EPM2A: variants seen among roughly 807,000 people sequenced by gnomAD.
The protein encoded by EPM2A is laforin.
A neutral mutation model predicts 26.5 loss-of-function variants in EPM2A; 21 were observed. That is an observed-to-expected ratio of 0.79 (90% CI 0.56 to 1.14). The LOEUF (loss-of-function observed/expected upper bound fraction) is 1.14. EPM2A is among the 50% of genes most tolerant of loss of function. The probability of loss-of-function intolerance (pLI) is 0.00; values close to 1 mark genes in which losing one functional copy is unlikely to be tolerated. For missense variants in EPM2A, 458 were observed against 440.8 expected (o/e 1.04, Z -0.35); for synonymous variants, 217 against 177.6 (o/e 1.22, Z -1.76).
chr6:145,687,622 T>C (rs764704450), intron 1 of EPM2A, among the ~76,000 whole-genome samples: 1 of 152,222 alleles, frequency 6.6e-6, no homozygotes, highest in Admixed American at 6.5e-5. Context: ...ACATTTGTTA[T>C]GAATACAAAA....
chr6:145,463,508 A>T (rs1554239446), intron 4 of EPM2A: 1 of 151,990 alleles, frequency 6.6e-6, no homozygotes, highest in Non-Finnish European at 1.5e-5. Flanking sequence ...TTTTAAACAC[A>T]TTTTTTTACC....
Position 145,727,776 on chromosome 6 carries a change from C to T in EPM2A, c.301+7422G>A, listed in dbSNP as rs567876039. 2.6e-4 allele frequency among the ~76,000 whole-genome samples: 40 copies of T among 152,270 alleles called. 2 individuals are homozygous for T. The South Asian group carries it at 6.2e-3, about 24-fold the overall frequency. On this transcript the variant is annotated intron_variant, in intron 1 of 3. Coordinates refer to ENST00000367519, the MANE Select transcript of EPM2A (RefSeq NM_005670.4). ...TACTCTACTCATTCTTCTTGGTAAT[C>T]ACTACCCTAATTTTTTTCAGGGAAG...
At chr6:145,497,670 T>C (rs572669424), downstream of EPM2A, among the ~76,000 whole-genome samples, 1 of 152,322 alleles carries the variant, frequency 6.6e-6, no homozygotes, top group South Asian at 2.1e-4. Flanking sequence ...AAGATGGCAG[T>C]CACTCTTTCT....
intron 2 of EPM2A, among the ~76,000 whole-genome samples, chr6:145,567,647 T>C (rs1780901502): frequency 6.6e-6 from 1 of 152,202 alleles, no homozygotes; most frequent in Non-Finnish European, 1.5e-5. Flanking sequence ...TGGAATTTAG[T>C]GGATGCTAAT....
At chr6:145,537,923 G>C (rs1780455133) in intron 2 of EPM2A, among the ~76,000 whole-genome samples, 1 of 152,144 alleles carries the variant, frequency 6.6e-6, no homozygotes, top group South Asian at 2.1e-4. Flanking sequence ...CCCTGCAAAG[G>C]ATATGATCTC....
Position 145,626,592 on chromosome 6 carries a change from G to A in EPM2A, c.*824C>T, listed in dbSNP as rs966987390. The stretch of plus-strand genomic sequence containing the variant: ...AACTAAATGCACTACATGATGCTGG[G>A]AAAACAAGTTGTGATGAAAACAGTG... On this transcript the variant is annotated 3_prime_UTR_variant, in exon 4 of 4. Transcript: ENST00000367519. The A allele has an allele frequency of 1.0e-6, 1 of 985,652 alleles. No individual in the cohort carries two copies. The highest frequency in any genetic ancestry group is 1.2e-6 in the Non-Finnish European group (1 of 829,798). 61.1% of individuals were successfully genotyped at this position (985,652 alleles called of 1,614,324 possible). A position where few individuals can be genotyped will look rare whatever the true frequency, so the allele number is the denominator to read the frequency against.
chr6:145,453,040 C>G (rs139381452), intron 4 of EPM2A, among the ~76,000 whole-genome samples: 83 of 152,214 alleles, frequency 5.5e-4, no homozygotes, highest in African/African-American at 1.8e-3. Flanking sequence ...TAACATGTAA[C>G]TAAAGGACTG....
At position 145,585,275 on chromosome 6, in the gene EPM2A, T is replaced by C. The variant is rs114542256; in HGVS notation, c.340+49970A>G. Among the ~76,000 whole-genome samples the C allele has an allele frequency of 5.3e-3, 801 of 152,286 alleles. 3 individuals are homozygous for C. Among genetic ancestry groups the C allele is most frequent in the African/African-American group, 0.018 (767 of 41,580 alleles). On this transcript the variant is annotated intron_variant, in intron 2 of 3. Transcript: ENST00000450221. ...TGAGTTTCTTGGATCTGTAGACTTA[T>C]AGTTTTCATCACCTTTGGAAAAAGT...
chr6:145,532,128 A>C (rs1378657587), intron 2 of EPM2A, among the ~76,000 whole-genome samples: 1 of 152,232 alleles, frequency 6.6e-6, no homozygotes, highest in African/African-American at 2.4e-5. Context: ...TCTAGGATGC[A>C]AACCCGGAAT....
chr6:145,650,142 G>T (rs1250581464), intron 2 of EPM2A, among the ~76,000 whole-genome samples: 1 of 152,176 alleles, frequency 6.6e-6, no homozygotes, highest in Non-Finnish European at 1.5e-5. Context: ...GGAACGGAAA[G>T]CAATTAGGAA....
At chr6:145,645,892 C>T (rs1440626598) in intron 2 of EPM2A, among the ~76,000 whole-genome samples, 2 of 152,128 alleles carry the variant, frequency 1.3e-5, no homozygotes, top group East Asian at 3.9e-4. Context: ...CCACTGTGCC[C>T]GGCCCTGGCA....
intron 4 of EPM2A, among the ~76,000 whole-genome samples, chr6:145,386,825 ATC>A (rs1353158878): frequency 6.6e-6 from 1 of 152,210 alleles, no homozygotes; most frequent in Non-Finnish European, 1.5e-5. Context: ...AAATTTTGTC[ATC>A]TCTCATAATC....
chr6:145,594,129 A>G (rs1308781983), intron 2 of EPM2A, among the ~76,000 whole-genome samples: 1 of 151,894 alleles, frequency 6.6e-6, no homozygotes, highest in Non-Finnish European at 1.5e-5. Flanking sequence ...AATTCTGAAA[A>G]AACAACTCTA....
intron 4 of EPM2A, among the ~76,000 whole-genome samples, chr6:145,425,942 T>A (rs1778849536): frequency 1.3e-5 from 2 of 152,248 alleles, no homozygotes; most frequent in South Asian, 4.1e-4. Context: ...AGATTATTGC[T>A]TGCTACTCAA....
intron 4 of EPM2A, among the ~76,000 whole-genome samples, chr6:145,488,495 T>TTGTGTG (rs146792300): frequency 0.2 from 25,823 of 130,200 alleles, 2,745 homozygotes; most frequent in South Asian, 0.29. Flanking sequence ...ATTTGTGTGG[T>TTGTGTG]TGTGTGTGTG....
chr6:145,546,566 A>G (rs1780585949), intron 2 of EPM2A, among the ~76,000 whole-genome samples: 1 of 152,126 alleles, frequency 6.6e-6, no homozygotes, highest in South Asian at 2.1e-4. Context: ...TAACCATCAC[A>G]TCACAATTGT....
intron 2 of EPM2A, among the ~76,000 whole-genome samples, chr6:145,605,611 A>C (rs1234082907): frequency 6.6e-6 from 1 of 152,168 alleles, no homozygotes; most frequent in Non-Finnish European, 1.5e-5. Flanking sequence ...ACCTCACTGT[A>C]ATTTAGGAAA....
Position 145,650,375 on chromosome 6 carries a change from A to G in EPM2A, c.477-14889T>C, listed in dbSNP as rs1777797569. Reference sequence around the variant, plus strand: ...AGACCAGCCTGGCCAACATGGTGAAAGCCCTGTCTGTACTAAAATTACAAA... The same window carrying G: ...AGACCAGCCTGGCCAACATGGTGAAGGCCCTGTCTGTACTAAAATTACAAA... On this transcript the variant is annotated intron_variant, in intron 2 of 3. Transcript: ENST00000367519. Among the ~76,000 whole-genome samples, 5 of 152,192 alleles carry G rather than the reference A, an allele frequency of 3.3e-5. No homozygotes were observed. In the South Asian group the frequency reaches 1.0e-3, roughly 32 times the overall value.
At chr6:145,453,309 G>C (rs971219036) in intron 4 of EPM2A, among the ~76,000 whole-genome samples, 2 of 152,154 alleles carry the variant, frequency 1.3e-5, no homozygotes, top group African/African-American at 4.8e-5. Context: ...TAAGAGAATG[G>C]AGGTGGGGGG....
Sources: gnomAD v4.1 joint callset for allele counts (sites outside exome capture counted in the v4.1 genomes callset) on GRCh38, gnomAD v4.1.1 for gene constraint, MANE v1.5 for transcripts, NCBI Gene and HGNC (gene_info 2026-07-23, HGNC 2026-07-21) for gene names.